Variants in ADAM22 observed in about 807,000 individuals in gnomAD.
ADAM22 encodes disintegrin and metalloproteinase domain-containing protein 22.
A neutral mutation model predicts 144.6 loss-of-function variants in ADAM22; 65 were observed. That is an observed-to-expected ratio of 0.45 (90% CI 0.37 to 0.55). ADAM22 has a LOEUF of 0.55. ADAM22 is among the 20% of genes least tolerant of loss of function. ADAM22 has a pLI of 0.00. For missense variants in ADAM22, 974 were observed against 1,184.9 expected, an observed-to-expected ratio of 0.82 and a Z score of 2.61; for synonymous variants, 391 against 412.6, an observed-to-expected ratio of 0.95 and a Z score of 0.63.
At chr7:87,980,889 A>G (rs1436052195) in intron 3 of ADAM22, among the ~76,000 whole-genome samples, 1 of 152,160 alleles carries the variant, frequency 6.6e-6, no homozygotes, top group Non-Finnish European at 1.5e-5. Context: ...TAACAAAATG[A>G]AACATATGGC....
chr7:88,181,209 T>C (rs940280891), intron 27 of ADAM22, among the ~76,000 whole-genome samples: 1 of 152,102 alleles, frequency 6.6e-6, no homozygotes, highest in African/African-American at 2.4e-5. Flanking sequence ...GTGAATTTGC[T>C]CTGTGGTTGC....
chr7:88,094,113 A>T (rs1820641656), intron 4 of ADAM22, among the ~76,000 whole-genome samples: 2 of 152,172 alleles, frequency 1.3e-5, no homozygotes, highest in Non-Finnish European at 2.9e-5. Flanking sequence ...ACAACAGATG[A>T]TGCATTTCTT....
chr7:88,160,997 G>A (rs1390156150), intron 22 of ADAM22, among the ~76,000 whole-genome samples: 1 of 152,044 alleles, frequency 6.6e-6, no homozygotes, highest in African/African-American at 2.4e-5. Flanking sequence ...ATAGCATTAG[G>A]AGATATACCT....
At chr7:88,115,129 C>T (rs1384062792) in intron 6 of ADAM22, among the ~76,000 whole-genome samples, 2 of 152,136 alleles carry the variant, frequency 1.3e-5, no homozygotes, top group Non-Finnish European at 2.9e-5. Flanking sequence ...CCTGTAATCC[C>T]AGCTACTTGG....
chr7:88,008,248 C>T (rs1427702834), intron 3 of ADAM22, among the ~76,000 whole-genome samples: 2 of 151,260 alleles, frequency 1.3e-5, no homozygotes, highest in African/African-American at 4.9e-5. Flanking sequence ...AGTCAGGAAA[C>T]AACAGGTGCT....
chr7:87,950,137 CT>C (rs936388616), intron 2 of ADAM22, among the ~76,000 whole-genome samples: 2 of 151,672 alleles, frequency 1.3e-5, no homozygotes, highest in Non-Finnish European at 2.9e-5. Context: ...TGTAATGTTT[CT>C]TTTTTTATTA....
chr7:87,995,298 A>G (rs1285976643), intron 3 of ADAM22, among the ~76,000 whole-genome samples: 1 of 152,108 alleles, frequency 6.6e-6, no homozygotes, highest in Non-Finnish European at 1.5e-5. Context: ...TTTCCTTTTG[A>G]TATCCCTTTC....
chr7:88,145,248 C>A (rs1275482553), intron 16 of ADAM22, 52 bp downstream of exon 16: 1 of 1,585,276 alleles, frequency 6.3e-7, no homozygotes, highest in East Asian at 2.2e-5. Flanking sequence ...AGGGTCATTC[C>A]AGGTCCACAC....
intron 2 of ADAM22, among the ~76,000 whole-genome samples, chr7:87,974,853 C>G (rs1178109517): frequency 6.6e-6 from 1 of 152,176 alleles, no homozygotes; most frequent in African/African-American, 2.4e-5. Context: ...TTTCTAGAGG[C>G]TGTCTGCATT....
intron 3 of ADAM22, among the ~76,000 whole-genome samples, chr7:88,060,908 A>C (rs1809658008): frequency 6.6e-6 from 1 of 152,100 alleles, no homozygotes; most frequent in Non-Finnish European, 1.5e-5. Context: ...ATTCGAGACC[A>C]GCCTGGCCAA....
intron 2 of ADAM22, among the ~76,000 whole-genome samples, chr7:87,969,403 A>G (rs147571210): frequency 6.6e-6 from 1 of 152,280 alleles, no homozygotes; most frequent in Non-Finnish European, 1.5e-5. Flanking sequence ...TATTTTATAC[A>G]TATACCTACT....
chr7:88,132,545 C>A, intron 11 of ADAM22: 1 of 210,900 alleles, frequency 4.7e-6, no homozygotes, highest in Non-Finnish European at 9.7e-6. Flanking sequence ...TATGGGAATG[C>A]CTGATGTTAA....
chr7:88,090,799 C>A (rs1277841475), intron 4 of ADAM22, among the ~76,000 whole-genome samples: 5 of 152,058 alleles, frequency 3.3e-5, no homozygotes, highest in Non-Finnish European at 7.4e-5. Flanking sequence ...ATATTAAGAT[C>A]TTCTGATTTA....
intron 3 of ADAM22, among the ~76,000 whole-genome samples, chr7:88,028,183 A>C (rs1388197108): frequency 6.6e-6 from 1 of 152,066 alleles, no homozygotes; most frequent in Admixed American, 6.6e-5. Flanking sequence ...TTGTCTTGCC[A>C]TTGTCACTTA....
chr7:87,960,201 T>A (rs1160002669), intron 2 of ADAM22, among the ~76,000 whole-genome samples: 3 of 152,228 alleles, frequency 2.0e-5, no homozygotes. Flanking sequence ...TTCCAAAATC[T>A]GTTATTCTGA....
At chr7:87,982,068 T>TATATATATATACACAC (rs1244517564) in intron 3 of ADAM22, among the ~76,000 whole-genome samples, 8 of 93,742 alleles carry the variant, frequency 8.5e-5, no homozygotes, top group South Asian at 4.7e-4. Context: ...TATATATATA[T>TATATATATATACACAC]ACACACACAC....
chr7:88,186,627 A>T lies in ADAM22; in HGVS notation c.2676A>T (p.Pro892=), dbSNP rs779758725. Residue 892 remains proline, a synonymous_variant, in exon 30 of 32, where the codon CCA becomes CCT. Coordinates refer to ENST00000413139, the MANE Select transcript of ADAM22 (RefSeq NM_001324418.2). The part of the protein sequence containing the change: ...PRSNSTEYLN[P]WFKRDYNVAK... Reference sequence around the variant, plus strand: ...TTGCTTTCTGCAGGTATTTAAACCCATGGTTCAAAAGAGACTATAATGTAG... The same window carrying T: ...TTGCTTTCTGCAGGTATTTAAACCCTTGGTTCAAAAGAGACTATAATGTAG... 3 of 1,609,664 alleles carry T rather than the reference A, an allele frequency of 1.9e-6. No individual in the cohort carries two copies. The highest frequency in any genetic ancestry group is 2.2e-5 in the South Asian group (2 of 90,954).
At chr7:88,070,292 A>G (rs575886476) in intron 3 of ADAM22, among the ~76,000 whole-genome samples, 1 of 152,326 alleles carries the variant, frequency 6.6e-6, no homozygotes, top group African/African-American at 2.4e-5. Context: ...GAGAATGTCT[A>G]TGAGAACCTA....
chr7:88,051,656 A>C (rs1402127415), intron 3 of ADAM22, among the ~76,000 whole-genome samples: 1 of 152,126 alleles, frequency 6.6e-6, no homozygotes. Flanking sequence ...CATATGTAAC[A>C]AACCTGCACA....
Sources: allele counts gnomAD v4.1 joint callset (sites outside exome capture counted in the v4.1 genomes callset), GRCh38; gene constraint gnomAD v4.1.1; transcripts MANE v1.5; gene names NCBI Gene and HGNC (gene_info 2026-07-23, HGNC 2026-07-21).